Variants in PCSK4 observed in about 807,000 individuals in gnomAD.
The protein encoded by PCSK4 is testicular tissue protein Li 135.
PCSK4 carries 64 observed loss-of-function variants against 80.3 expected under a neutral mutation model. The ratio of observed to expected loss-of-function variants is 0.80; its 90% CI spans 0.65 to 0.98. The LOEUF is 0.98. Ranked by LOEUF, PCSK4 falls within the 50% of genes least tolerant of loss-of-function variation. The pLI, the probability that PCSK4 is intolerant of heterozygous loss-of-function variation, is 0.00. For synonymous variants in PCSK4, 561 were observed against 487.6 expected (o/e 1.15, Z -1.98); for missense variants, 1,213 against 1,093.6 (o/e 1.11, Z -1.54).
In PCSK4 at chr19:1,484,016, C is replaced by T; in HGVS notation, c.1169+11G>A. 1.3e-6 allele frequency: 2 copies of T among 1,531,854 alleles called. No individual in the cohort carries two copies. The highest frequency in any genetic ancestry group is 1.8e-6 in the Non-Finnish European group (2 of 1,141,138). 94.9% of individuals were successfully genotyped at this position (1,531,854 alleles called of 1,614,324 possible). Reference sequence around the variant, plus strand: ...GGCGAGGGCGGTGGACCGGGCCCCGCAGTCACCTACTTGGCCTCCAGCGCT... The same window carrying T: ...GGCGAGGGCGGTGGACCGGGCCCCGTAGTCACCTACTTGGCCTCCAGCGCT... On this transcript the variant is annotated intron_variant, in intron 9 of 14. Coordinates refer to ENST00000300954, the Ensembl canonical transcript of PCSK4.
chr19:1,483,842 G>T, exon 10 of PCSK4: 1 of 1,492,016 alleles, frequency 6.7e-7, no homozygotes, highest in South Asian at 1.3e-5. Flanking sequence ...CCGCACCTTG[G>T]CGCCCCACGC....
chr19:1,487,183 G>A (rs542625068), exon 7 of PCSK4: 60 of 1,607,602 alleles, frequency 3.7e-5, no homozygotes, highest in South Asian at 1.3e-4. Flanking sequence ...TGAGGATGCC[G>A]GGGCCGTCCA....
chr19:1,484,439 A>C (rs2084496940), intron 8 of PCSK4, among the ~76,000 whole-genome samples: 1 of 151,734 alleles, frequency 6.6e-6, no homozygotes, highest in African/African-American at 2.4e-5. Flanking sequence ...GTGAGCGGAG[A>C]TCACACCCAC....
rs2084298712 is a variant in PCSK4, at chr19:1,481,641, C to A, written c.*118G>T. On this transcript the variant is annotated 3_prime_UTR_variant, in exon 15 of 15. Coordinates refer to ENST00000300954, the Ensembl canonical transcript of PCSK4. ...GGGGTTCCACGGGGCCCATCCCTGG[C>A]AGGCCAGGCGTCGGGTGCTGGTGCT... The A allele has an allele frequency of 6.5e-6, 4 of 620,024 alleles. No individual in the cohort carries two copies. The South Asian group carries it at 1.2e-4, about 18-fold the overall frequency. 38.4% of individuals were successfully genotyped at this position (620,024 alleles called of 1,614,324 possible).
In PCSK4 at chr19:1,484,022, C is replaced by A; in HGVS notation, c.1169+5G>T. ...GGCGGTGGACCGGGCCCCGCAGTCA[C>A]CTACTTGGCCTCCAGCGCTAGGGCG... On this transcript the variant is annotated splice_donor_5th_base_variant and intron_variant, in intron 9 of 14. Transcript: ENST00000300954. 6.5e-7 allele frequency: 1 copy of A among 1,538,254 alleles called. No individual in the cohort carries two copies. The highest frequency in any genetic ancestry group is 8.7e-7 in the Non-Finnish European group (1 of 1,144,568).
chr19:1,482,670 G>A, intron 13 of PCSK4, 195 bp from the exon 14 acceptor site: 1 of 790,852 alleles, frequency 1.3e-6, no homozygotes, highest in Non-Finnish European at 2.0e-6. Context: ...CACCTACTGT[G>A]CGCCTGTCAC....
chr19:1,487,237 G>C (rs938439164), exon 7 of PCSK4: 1 of 1,606,550 alleles, frequency 6.2e-7, no homozygotes, highest in African/African-American at 1.3e-5. Context: ...CGCTGTAAAT[G>C]TGGATGTGCT....
chr19:1,483,980 CCGCGCCTGGGG>C, intron 9 of PCSK4, 36 bp downstream of exon 9: 2 of 1,469,960 alleles, frequency 1.4e-6, no homozygotes, highest in Non-Finnish European at 1.8e-6. Flanking sequence ...AGCCGCCGGG[CCGCGCCTGGGG>C]GCGAGGGCGG....
Position 1,481,972 on chromosome 19 carries a change from TC to T in PCSK4, c.2054del (p.Gly685AspfsTer28). 1 of 1,595,512 alleles carries T rather than the reference TC, an allele frequency of 6.3e-7. No individual in the cohort carries two copies. ...GGGGGCGGCTGTCGGGGGTGGTGGG[TC>T]CCATGCAGGAGCCCTGCTGCTGGTC... On this transcript the variant is annotated frameshift_variant, in exon 15 of 15. Transcript: ENST00000300954. LOFTEE classifies it low-confidence loss of function (END_TRUNC).
chr19:1,483,445 G>C, exon 12 of PCSK4: 1 of 1,595,578 alleles, frequency 6.3e-7, no homozygotes, highest in Non-Finnish European at 8.5e-7. Flanking sequence ...CCCTGATGTA[G>C]ATCAGCGGCA....
intron 2 of PCSK4, among the ~76,000 whole-genome samples, chr19:1,489,244 G>A (rs1323994505): frequency 1.3e-5 from 2 of 149,844 alleles, no homozygotes; most frequent in African/African-American, 4.9e-5. Flanking sequence ...CCATTCTCCT[G>A]CCTAAGCCTC....
intron 8 of PCSK4, among the ~76,000 whole-genome samples, chr19:1,484,681 G>A (rs942142062): frequency 4.6e-5 from 7 of 150,986 alleles, no homozygotes; most frequent in African/African-American, 7.3e-5. Context: ...GTATGGTGGC[G>A]GGGCACCTGT....
intron 11 of PCSK4, 23 bp downstream of exon 11, chr19:1,483,627 G>GCT: frequency 6.5e-7 from 1 of 1,542,168 alleles, no homozygotes. Flanking sequence ...CGGGGATAGC[G>GCT]GAGGGGCGCG....
At chr19:1,486,728 G>C in intron 8 of PCSK4, 125 bp downstream of exon 8, 1 of 801,310 alleles carries the variant, frequency 1.2e-6, no homozygotes, top group Non-Finnish European at 2.0e-6. Flanking sequence ...CACCGTGCTC[G>C]GCCTGGATTT....
At chr19:1,484,096 T>C (rs2084474958) in exon 9 of PCSK4, 1 of 1,566,812 alleles carries the variant, frequency 6.4e-7, no homozygotes, top group African/African-American at 1.4e-5. Context: ...CGTGTGCTGG[T>C]CTGTGCACCC....
chr19:1,484,958 C>T (rs2084528276), intron 8 of PCSK4, among the ~76,000 whole-genome samples: 1 of 151,860 alleles, frequency 6.6e-6, no homozygotes, highest in Non-Finnish European at 1.5e-5. Flanking sequence ...CAGCTTGTGG[C>T]AACATGGTGA....
chr19:1,482,813 C>G, intron 13 of PCSK4, 83 bp downstream of exon 13: 1 of 1,454,134 alleles, frequency 6.9e-7, no homozygotes, highest in Non-Finnish European at 9.5e-7. Flanking sequence ...TTTTGCAGTG[C>G]GGTCACCAAG....
chr19:1,485,699 G>A lies in PCSK4; in HGVS notation c.1068+1154C>T, dbSNP rs532437080. Among the ~76,000 whole-genome samples the A allele has an allele frequency of 2.4e-4, 37 of 151,926 alleles. No individual in the cohort carries two copies. In the East Asian group the frequency reaches 7.1e-3, roughly 29 times the overall value. On this transcript the variant is annotated intron_variant, in intron 8 of 14. Transcript: ENST00000300954. ...ATCCTGGCTAACATGGTGAAACCCT[G>A]TCTCTACTGAAAATACAAAAAATTA...
In PCSK4 at chr19:1,484,103, AC is replaced by A; in HGVS notation, c.1092del (p.Cys365AlafsTer18). 2 of 1,565,160 alleles carry A rather than the reference AC, an allele frequency of 1.3e-6. No homozygotes were observed. Among genetic ancestry groups the A allele is most frequent in the Non-Finnish European group, 8.6e-7 (1 of 1,156,878 alleles). Reference sequence around the variant, plus strand: ...GAGGTGCCCGTGTGCTGGTCTGTGCACCCGTGATGCAGGTCCGTGGTGACCT... The same window carrying A: ...GAGGTGCCCGTGTGCTGGTCTGTGCACCGTGATGCAGGTCCGTGGTGACCT... On this transcript the variant is annotated frameshift_variant, in exon 9 of 15. Transcript: ENST00000300954. LOFTEE classifies it high-confidence loss of function.
Sources: allele counts gnomAD v4.1 joint callset (sites outside exome capture counted in the v4.1 genomes callset), GRCh38; gene constraint gnomAD v4.1.1; transcripts MANE v1.5; gene names NCBI Gene and HGNC (gene_info 2026-07-23, HGNC 2026-07-21).